Variants in POLA1 observed in about 807,000 individuals in gnomAD.
POLA1 encodes DNA polymerase alpha 1, catalytic subunit.
Under a neutral mutation model 124.0 loss-of-function variants are expected in POLA1, and 15 were observed. The observed-to-expected ratio is 0.12, with a 90% CI of 0.08 to 0.19. The LOEUF (loss-of-function observed/expected upper bound fraction) is 0.19, where lower values mean the gene tolerates loss of function less well. Among genes scored for constraint, POLA1 ranks in the 10% least tolerant of loss-of-function variants. POLA1 has a pLI of 1.00. For missense variants in POLA1, 886 were observed against 1,103.4 expected (o/e 0.80, Z 2.79); for synonymous variants, 408 against 389.4 (o/e 1.05, Z -0.56).
intron 26 of POLA1, among the ~76,000 whole-genome samples, chrX:24,770,820 T>C (rs2045017396): frequency 9.1e-6 from 1 of 110,396 alleles, no homozygotes; most frequent in African/African-American, 3.3e-5. Context: ...CAATAATAAG[T>C]GTTTGCCATG....
intron 30 of POLA1, 25 bp from the exon 31 acceptor site, chrX:24,821,427 A>T (rs1286485392): frequency 5.9e-6 from 7 of 1,185,956 alleles, no homozygotes; most frequent in Non-Finnish European, 8.0e-6. Context: ...TTTAAGGCTT[A>T]GAACTTTTTT....
chrX:24,821,672 C>A, intron 31 of POLA1, 89 bp downstream of exon 31: 1 of 673,151 alleles, frequency 1.5e-6, no homozygotes, highest in Non-Finnish European at 2.2e-6. Context: ...TAGCATTCTC[C>A]CCAATAATTG....
At chrX:24,993,118 C>T (rs2048554157) in intron 36 of POLA1, among the ~76,000 whole-genome samples, 1 of 112,278 alleles carries the variant, frequency 8.9e-6, no homozygotes, top group Non-Finnish European at 1.9e-5. Flanking sequence ...ACACGTTCCT[C>T]GAATGTTATT....
At chrX:24,957,719 T>C (rs1319933188) in intron 36 of POLA1, among the ~76,000 whole-genome samples, 1 of 111,589 alleles carries the variant, frequency 9.0e-6, no homozygotes, top group Non-Finnish European at 1.9e-5. Flanking sequence ...AAATTCAGAA[T>C]TGTTGCCTGT....
intron 36 of POLA1, among the ~76,000 whole-genome samples, chrX:24,958,598 G>C (rs1329001278): frequency 4.5e-5 from 5 of 112,233 alleles, no homozygotes; most frequent in Non-Finnish European, 7.5e-5. Context: ...TATTATCCAT[G>C]TTCTGTAAAA....
chrX:24,885,725 C>T (rs1272572991), intron 34 of POLA1, among the ~76,000 whole-genome samples: 2 of 111,380 alleles, frequency 1.8e-5, no homozygotes, highest in African/African-American at 3.3e-5. Context: ...GGGGTTTCAC[C>T]GTGTTAGCCA....
intron 26 of POLA1, among the ~76,000 whole-genome samples, chrX:24,752,443 A>T (rs1932367445): frequency 8.9e-6 from 1 of 112,299 alleles, no homozygotes; most frequent in Admixed American, 9.4e-5. Flanking sequence ...ATCTATAGAA[A>T]TACCATCTGT....
chrX:24,953,789 AT>A, intron 36 of POLA1, among the ~76,000 whole-genome samples: 1 of 112,381 alleles, frequency 8.9e-6, no homozygotes, highest in East Asian at 2.8e-4. Flanking sequence ...TTCTCTAGAA[AT>A]TATGTACGGA....
chrX:24,776,049 A>G (rs1397749913), intron 26 of POLA1, among the ~76,000 whole-genome samples: 2 of 112,079 alleles, frequency 1.8e-5, no homozygotes, highest in African/African-American at 6.5e-5. Context: ...GTACTGAATC[A>G]TTATGTAAGA....
intron 26 of POLA1, among the ~76,000 whole-genome samples, chrX:24,791,479 C>T (rs947082527): frequency 4.4e-4 from 49 of 112,459 alleles, no homozygotes; most frequent in African/African-American, 1.4e-3. Context: ...CTCCACCTCC[C>T]GGTTCAAGCG....
Position 24,700,584 on chromosome X carries a change from C to T in POLA1, c.168+1035C>T, listed in dbSNP as rs926998573. ...AGTGCAATGGCACGATCTTGGTTCA[C>T]TGCAGCTTCCACCTCCCAGGTTCAA... On this transcript the variant is annotated intron_variant, in intron 2 of 36. Coordinates refer to ENST00000379068, the MANE Select transcript of POLA1 (RefSeq NM_001330360.2). Among the ~76,000 whole-genome samples the T allele has an allele frequency of 1.2e-4, 14 of 112,125 alleles. 1 individual carries two copies. Among genetic ancestry groups the T allele is most frequent in the African/African-American group, 3.9e-4 (12 of 30,846 alleles).
At chrX:24,889,326 A>G (rs2047113134) in intron 35 of POLA1, among the ~76,000 whole-genome samples, 1 of 112,360 alleles carries the variant, frequency 8.9e-6, no homozygotes, top group Non-Finnish European at 1.9e-5. Context: ...CGACCCAAAC[A>G]GCATTTTCCA....
At chrX:24,729,761 T>C (rs1394940819) in intron 15 of POLA1, among the ~76,000 whole-genome samples, 2 of 109,590 alleles carry the variant, frequency 1.8e-5, no homozygotes, top group Admixed American at 9.6e-5. Context: ...TGTCAGTGTT[T>C]TCAGTATTTT....
At chrX:24,773,876 T>C (rs761977779) in intron 26 of POLA1, among the ~76,000 whole-genome samples, 49 of 112,027 alleles carry the variant, frequency 4.4e-4, no homozygotes, top group Non-Finnish European at 8.1e-4. Flanking sequence ...CTGAGAGTTA[T>C]ACTGTGTAGC....
Position 24,745,359 on chromosome X carries a change from G to T in POLA1, c.2567-59G>T, listed in dbSNP as rs187000229. 669 of 858,758 alleles carry T rather than the reference G, an allele frequency of 7.8e-4. 9 individuals carry two copies. The Admixed American group carries it at 0.018, about 23-fold the overall frequency. The allele number at this position is 858,758 out of a possible 1,213,427, so 70.8% of individuals were successfully genotyped here. On this transcript the variant is annotated intron_variant, in intron 23 of 36. Transcript: ENST00000379068. ...ATATACTTACAGTGCTTTTAATAATGATGTTTTGACAATTCTGCTTTTCTT... is the reference window on the plus strand; with the variant it reads ...ATATACTTACAGTGCTTTTAATAATTATGTTTTGACAATTCTGCTTTTCTT...
In POLA1 at chrX:24,748,373, C is replaced by T. The variant is rs1569294807; in HGVS notation, c.2754C>T (p.Pro918=). ...PDPSLEMGIL[P]REIRKLVERR... ...CAAGCTTAGAAATGGGCATTTTGCCCAGAGAGATCCGGAAACTGGTAGAAC... is the reference window on the plus strand; with the variant it reads ...CAAGCTTAGAAATGGGCATTTTGCCTAGAGAGATCCGGAAACTGGTAGAAC... Residue 918 remains proline, a synonymous_variant, in exon 25 of 37, where the codon CCC becomes CCT. Coordinates refer to ENST00000379068, the MANE Select transcript of POLA1 (RefSeq NM_001330360.2). The T allele has an allele frequency of 8.4e-7, 1 of 1,196,936 alleles. No homozygotes were observed. The highest frequency in any genetic ancestry group is 3.0e-5 in the East Asian group (1 of 33,703).
At chrX:24,857,275 T>A (rs942652914) in intron 34 of POLA1, among the ~76,000 whole-genome samples, 4 of 111,996 alleles carry the variant, frequency 3.6e-5, no homozygotes, top group Non-Finnish European at 5.6e-5. Context: ...ATCTCTTCCA[T>A]TGATCTCTCT....
At chrX:24,976,201 G>A (rs1181696676) in intron 36 of POLA1, among the ~76,000 whole-genome samples, 1 of 112,098 alleles carries the variant, frequency 8.9e-6, no homozygotes, top group East Asian at 2.8e-4. Context: ...AAAACCTTCA[G>A]AAGCCTTACT....
At chrX:24,720,422 G>A (rs766394008) in intron 10 of POLA1, among the ~76,000 whole-genome samples, 6 of 112,281 alleles carry the variant, frequency 5.3e-5, no homozygotes, top group Non-Finnish European at 9.4e-5. Context: ...CATAGTACGT[G>A]TTTAATAAAT....
Sources: gnomAD v4.1 joint callset for allele counts (sites outside exome capture counted in the v4.1 genomes callset) on GRCh38, gnomAD v4.1.1 for gene constraint, MANE v1.5 for transcripts, NCBI Gene and HGNC (gene_info 2026-07-23, HGNC 2026-07-21) for gene names.